NTM: variants seen among roughly 807,000 people sequenced by gnomAD.
The protein encoded by NTM is neurotrimin.
Under a neutral mutation model 42.1 loss-of-function variants are expected in NTM, and 13 were observed. The ratio of observed to expected loss-of-function variants is 0.31; its 90% CI spans 0.20 to 0.49. The LOEUF (loss-of-function observed/expected upper bound fraction) is 0.49, where lower values mean the gene tolerates loss of function less well. NTM is among the 20% of genes least tolerant of loss of function. NTM has a pLI of 0.99. For synonymous variants in NTM, 187 were observed against 179.2 expected (o/e 1.04, Z -0.35); for missense variants, 373 against 452.8 (o/e 0.82, Z 1.60).
chr11:132,062,531 T>C (rs960685399), intron 2 of NTM, among the ~76,000 whole-genome samples: 71 of 151,514 alleles, frequency 4.7e-4, no homozygotes, highest in African/African-American at 1.7e-3. Context: ...AGGAGTGAAA[T>C]TGGGAATATT....
intron 1 of NTM, among the ~76,000 whole-genome samples, chr11:131,556,621 G>A (rs948331605): frequency 6.8e-6 from 1 of 146,764 alleles, no homozygotes; most frequent in African/African-American, 2.5e-5. Flanking sequence ...AGGCTAGAGT[G>A]CAGTGGTGTG....
At chr11:131,373,117 C>T (rs1454022997) in intron 1 of NTM, among the ~76,000 whole-genome samples, 5 of 152,304 alleles carry the variant, frequency 3.3e-5, no homozygotes, top group East Asian at 3.9e-4. Flanking sequence ...CAAAGACCCG[C>T]ATATTGCATG....
chr11:131,995,000 C>T (rs139738080), intron 2 of NTM, among the ~76,000 whole-genome samples: 3 of 152,236 alleles, frequency 2.0e-5, no homozygotes, highest in Non-Finnish European at 4.4e-5. Context: ...TATGCTGCCA[C>T]TGTGGTAGTT....
At chr11:131,781,410 A>C (rs897581948) in intron 1 of NTM, among the ~76,000 whole-genome samples, 1 of 152,170 alleles carries the variant, frequency 6.6e-6, no homozygotes, top group Non-Finnish European at 1.5e-5. Context: ...TAAACATTTT[A>C]ATTTACAGAT....
At chr11:131,660,729 A>G in intron 1 of NTM, 1 of 544,838 alleles carries the variant, frequency 1.8e-6, no homozygotes, top group Non-Finnish European at 2.9e-6. Flanking sequence ...AGGCAAAGAA[A>G]CAAAAGGAAA....
intron 1 of NTM, among the ~76,000 whole-genome samples, chr11:131,837,773 G>A (rs552648908): frequency 1.3e-5 from 2 of 152,052 alleles, no homozygotes; most frequent in African/African-American, 2.4e-5. Flanking sequence ...CAGGCCCCAC[G>A]CTGGGGGAGC....
chr11:132,215,617 C>T lies in NTM; in HGVS notation c.526+3470C>T, dbSNP rs190489329. 2.7e-3 allele frequency among the ~76,000 whole-genome samples: 414 copies of T among 152,306 alleles called. 2 individuals carry two copies. Among genetic ancestry groups the T allele is most frequent in the Non-Finnish European group, 4.6e-3 (313 of 68,028 alleles). ...AAATGTCAGTTGTGCATGTCCAGTA[C>T]AGAGAGGGAGGTAGGACCTCCAAGG... On this transcript the variant is annotated intron_variant, in intron 4 of 8. Transcript: ENST00000683400.
chr11:131,718,969 C>G (rs1461370510), intron 1 of NTM, among the ~76,000 whole-genome samples: 3 of 152,118 alleles, frequency 2.0e-5, no homozygotes, highest in East Asian at 1.9e-4. Context: ...TTGGGTATCC[C>G]TTTGTCCACT....
At chr11:131,731,305 G>GT (rs1351576572) in intron 1 of NTM, among the ~76,000 whole-genome samples, 1 of 152,124 alleles carries the variant, frequency 6.6e-6, no homozygotes, top group African/African-American at 2.4e-5. Context: ...TCTAACATAT[G>GT]TAGGTCAGCT....
chr11:131,660,712 A>G, intron 1 of NTM: 1 of 431,752 alleles, frequency 2.3e-6, no homozygotes, highest in South Asian at 2.0e-5. Flanking sequence ...GTGAAGAGGG[A>G]CGGAGGAGGC....
intron 3 of NTM, among the ~76,000 whole-genome samples, chr11:132,205,482 C>A (rs1202445816): frequency 6.6e-6 from 1 of 152,136 alleles, no homozygotes; most frequent in Non-Finnish European, 1.5e-5. Context: ...AATTAAAATT[C>A]AATAAGAGCC....
At chr11:132,273,652 A>G (rs375913950) in intron 4 of NTM, among the ~76,000 whole-genome samples, 1 of 152,094 alleles carries the variant, frequency 6.6e-6, no homozygotes, top group Non-Finnish European at 1.5e-5. Flanking sequence ...CATGCCTGTA[A>G]TTCTAGCACT....
At chr11:132,254,274 C>G (rs1454722920) in intron 4 of NTM, among the ~76,000 whole-genome samples, 1 of 152,062 alleles carries the variant, frequency 6.6e-6, no homozygotes, top group African/African-American at 2.4e-5. Flanking sequence ...GTCTTCATCC[C>G]CAGCATTCTT....
chr11:131,406,355 T>C (rs1161958001), intron 1 of NTM, among the ~76,000 whole-genome samples: 2 of 152,206 alleles, frequency 1.3e-5, no homozygotes, highest in African/African-American at 2.4e-5. Flanking sequence ...TGGTCACTTA[T>C]TAATTTAGTG....
chr11:132,272,501 C>T (rs1485823552), intron 4 of NTM, among the ~76,000 whole-genome samples: 1 of 152,072 alleles, frequency 6.6e-6, no homozygotes, highest in Non-Finnish European at 1.5e-5. Flanking sequence ...CCTTCCAATT[C>T]ATGAACATGG....
chr11:131,547,550 G>C (rs1039650251), intron 1 of NTM, among the ~76,000 whole-genome samples: 2 of 152,136 alleles, frequency 1.3e-5, no homozygotes, highest in Non-Finnish European at 2.9e-5. Flanking sequence ...GCTCTTCTTA[G>C]AGTCCTTGTC....
intron 1 of NTM, among the ~76,000 whole-genome samples, chr11:131,424,805 G>A (rs1160383826): frequency 1.5e-4 from 22 of 146,340 alleles, no homozygotes; most frequent in African/African-American, 5.1e-4. Flanking sequence ...TTCTGACCTC[G>A]TGATCTGCCT....
In NTM at chr11:131,646,482, TTC is replaced by T. The variant is rs1384246983; in HGVS notation, c.83-265080_83-265079del. Among the ~76,000 whole-genome samples the T allele has an allele frequency of 5.9e-5, 9 of 152,332 alleles. No individual in the cohort carries two copies. In the South Asian group the frequency reaches 1.9e-3, roughly 32 times the overall value. On this transcript the variant is annotated intron_variant, in intron 1 of 8. Transcript: ENST00000683400. Reference sequence around the variant, plus strand: ...AGTTTGAAAAGGAGATCCCCTGAACTTCTGTTTCTGCAAGTCAATTATTTCTT... The same window carrying T: ...AGTTTGAAAAGGAGATCCCCTGAACTTGTTTCTGCAAGTCAATTATTTCTT...
chr11:131,507,923 A>T (rs2047699999), intron 1 of NTM, among the ~76,000 whole-genome samples: 1 of 152,214 alleles, frequency 6.6e-6, no homozygotes, highest in Non-Finnish European at 1.5e-5. Context: ...ACCTAAAACC[A>T]TAAAAACCCT....
Sources: allele counts gnomAD v4.1 joint callset (sites outside exome capture counted in the v4.1 genomes callset), GRCh38; gene constraint gnomAD v4.1.1; transcripts MANE v1.5; gene names NCBI Gene and HGNC (gene_info 2026-07-23, HGNC 2026-07-21).